Variants in POLR3H observed in about 807,000 individuals in gnomAD.
POLR3H encodes the protein DNA-directed RNA polymerase III subunit RPC8.
In POLR3H, 17 loss-of-function variants were observed where a neutral mutation model predicts 25.5. The observed-to-expected ratio is 0.67, with a 90% CI of 0.46 to 1.00. POLR3H has a LOEUF of 1.00. POLR3H is among the 50% of genes least tolerant of loss of function. POLR3H has a pLI of 0.00. For synonymous variants in POLR3H, 129 were observed against 103.0 expected, an observed-to-expected ratio of 1.25 and a Z score of -1.53; for missense variants, 274 against 265.0, an observed-to-expected ratio of 1.03 and a Z score of -0.24.
At position 41,528,731 on chromosome 22, in the gene POLR3H, C is replaced by T; in HGVS notation, c.*552G>A. The T allele has an allele frequency of 2.1e-6, 3 of 1,402,174 alleles. No homozygotes were observed. Among genetic ancestry groups the T allele is most frequent in the Non-Finnish European group, 2.9e-6 (3 of 1,050,786 alleles). 86.9% of individuals were successfully genotyped at this position (1,402,174 alleles called of 1,614,324 possible). A position where few individuals can be genotyped will look rare whatever the true frequency, so the allele number is the denominator to read the frequency against. ...CAAGATGGTGTGACCAGACATGCTT[C>T]CTGCTCCCCGCTTAGCCCACGGAGT... On this transcript the variant is annotated 3_prime_UTR_variant, in exon 6 of 6. Transcript: ENST00000355209.
chr22:41,534,082 C>T (rs752022061), intron 2 of POLR3H, among the ~76,000 whole-genome samples: 14 of 151,794 alleles, frequency 9.2e-5, no homozygotes, highest in Non-Finnish European at 1.9e-4. Flanking sequence ...GGTTGCAGTA[C>T]GCCAAGATCA....
chr22:41,531,179 C>A (rs965579981), intron 4 of POLR3H, among the ~76,000 whole-genome samples: 2 of 152,186 alleles, frequency 1.3e-5, no homozygotes, highest in Non-Finnish European at 2.9e-5. Context: ...AGACAGGGTC[C>A]GAGTCCCACC....
intron 5 of POLR3H, 60 bp from the exon 6 acceptor site, chr22:41,529,396 A>T: frequency 6.7e-7 from 1 of 1,494,468 alleles, no homozygotes. Flanking sequence ...CAACCTGGAC[A>T]GGAGGTGAAG....
chr22:41,527,256 G>C lies in POLR3H; in HGVS notation c.*2027C>G, dbSNP rs78241684. 2.5e-3 allele frequency: 4,016 copies of C among 1,613,900 alleles called. 88 individuals carry two copies. In the African/African-American group the frequency reaches 0.048, roughly 19 times the overall value. ...ACAGGTGAGGACGGTGCCCTCCTCT[G>C]CCTTATAACCTTACCCCCGCTTGCC... is the stretch of plus-strand genomic sequence containing the variant. On this transcript the variant is annotated 3_prime_UTR_variant, in exon 6 of 6. Coordinates refer to ENST00000355209, the MANE Select transcript of POLR3H (RefSeq NM_001018050.4).
Position 41,528,412 on chromosome 22 carries a change from A to AC in POLR3H, c.*870dup, listed in dbSNP as rs1569027015. On this transcript the variant is annotated 3_prime_UTR_variant, in exon 6 of 6. Transcript: ENST00000355209. Reference sequence around the variant, plus strand: ...CCCCAGGCAGTGCCCTGTCTCCCTGACCCCCCTGCGGGGCCAAGGGCACAC... The same window carrying AC: ...CCCCAGGCAGTGCCCTGTCTCCCTGACCCCCCCTGCGGGGCCAAGGGCACAC... The AC allele has an allele frequency of 3.2e-5, 50 of 1,575,970 alleles. No individual in the cohort carries two copies. Among genetic ancestry groups the AC allele is most frequent in the Non-Finnish European group, 4.0e-5 (46 of 1,162,312 alleles).
intron 5 of POLR3H, 100 bp from the exon 6 acceptor site, chr22:41,529,436 A>C: frequency 9.4e-7 from 1 of 1,059,622 alleles, no homozygotes; most frequent in South Asian, 1.3e-5. Flanking sequence ...ACAGGCAAAG[A>C]AGAGGCGGGG....
At chr22:41,543,947 G>T in intron 1 of POLR3H, 44 bp downstream of exon 1, 1 of 1,443,708 alleles carries the variant, frequency 6.9e-7, no homozygotes, top group Non-Finnish European at 9.7e-7. Flanking sequence ...GGCGGCGCTC[G>T]CTCTCCCACG....
rs2066601129 is a variant in POLR3H at position 41,526,560 on chromosome 22, C to T, written c.*2723G>A. The T allele has an allele frequency of 7.6e-7, 1 of 1,314,968 alleles. No individual in the cohort carries two copies. Among genetic ancestry groups the T allele is most frequent in the Non-Finnish European group, 1.0e-6 (1 of 966,678 alleles). The allele number at this position is 1,314,968 out of a possible 1,614,324, so 81.5% of individuals were successfully genotyped here. On this transcript the variant is annotated 3_prime_UTR_variant, in exon 6 of 6. Transcript: ENST00000355209. Reference sequence around the variant, plus strand: ...AGTGGAAACTGGGAAGGAGGCCGACCAAGCCCAAAGGGGACTGCTGTGGAA... The same window carrying T: ...AGTGGAAACTGGGAAGGAGGCCGACTAAGCCCAAAGGGGACTGCTGTGGAA...
chr22:41,543,842 A>G (rs780528383), intron 1 of POLR3H, 149 bp downstream of exon 1: 3 of 715,910 alleles, frequency 4.2e-6, no homozygotes, highest in East Asian at 5.4e-5. Flanking sequence ...ATCCCCTTCA[A>G]TATCTCCTTT....
At chr22:41,533,707 A>G in intron 2 of POLR3H, 1 of 1,304,138 alleles carries the variant, frequency 7.7e-7, no homozygotes, top group South Asian at 1.2e-5. Context: ...CACAAACGTG[A>G]GCCATCACAG....
chr22:41,543,913 C>CCGA (rs1569039494), intron 1 of POLR3H, 78 bp downstream of exon 1: 1 of 1,028,366 alleles, frequency 9.7e-7, no homozygotes, highest in Admixed American at 1.9e-5. Context: ...CTTGGCATGA[C>CCGA]CGAGGCCGGG....
Position 41,526,474 on chromosome 22 carries a change from G to T in POLR3H, c.*2809C>A, listed in dbSNP as rs770448518. On this transcript the variant is annotated 3_prime_UTR_variant, in exon 6 of 6. Coordinates refer to ENST00000355209, the MANE Select transcript of POLR3H (RefSeq NM_001018050.4). ...ACAAGGTGGGTCAGAGTTGATAGGG[G>T]CAATGCCAGTGGTCACTCCTGAAGG... is the stretch of plus-strand genomic sequence containing the variant. 7 of 1,602,278 alleles carry T rather than the reference G, an allele frequency of 4.4e-6. No individual in the cohort carries two copies. Among genetic ancestry groups the T allele is most frequent in the Admixed American group, 3.4e-5 (2 of 59,640 alleles).
chr22:41,542,389 T>G (rs1027129865), intron 1 of POLR3H, among the ~76,000 whole-genome samples: 2 of 152,056 alleles, frequency 1.3e-5, no homozygotes, highest in Non-Finnish European at 2.9e-5. Context: ...CGGCCTGTAT[T>G]CCTTCTTCAC....
rs1468608257 is a variant in POLR3H, at chr22:41,544,454, C to CA, written c.-354_-353insT. On this transcript the variant is annotated 5_prime_UTR_variant, in exon 1 of 6. In the 5' UTR this introduces an upstream ATG that the reference lacks. Coordinates refer to ENST00000355209, the MANE Select transcript of POLR3H (RefSeq NM_001018050.4). Reference sequence around the variant, plus strand: ...ACGCACCACGCACCGCGCACAGCCGCTCGCGCTTGCGCGACTGCGGGCGAG... The same window carrying CA: ...ACGCACCACGCACCGCGCACAGCCGCATCGCGCTTGCGCGACTGCGGGCGAG... The CA allele has an allele frequency of 4.9e-5, 3 of 61,374 alleles. No individual in the cohort carries two copies. The Admixed American group carries it at 6.9e-4, about 14-fold the overall frequency. 3.8% of individuals were successfully genotyped at this position (61,374 alleles called of 1,614,324 possible).
rs1601973698 is a variant in POLR3H at position 41,544,312 on chromosome 22, C to T, written c.-211G>A. The T allele has an allele frequency of 6.3e-6, 3 of 478,310 alleles. No individual in the cohort carries two copies. Among genetic ancestry groups the T allele is most frequent in the Admixed American group, 7.9e-5 (2 of 25,378 alleles). The allele number at this position is 478,310 out of a possible 1,614,324, so 29.6% of individuals were successfully genotyped here. A position where few individuals can be genotyped will look rare whatever the true frequency, so the allele number is the denominator to read the frequency against. ...ACTGAGGCCAGAGGGAGGCACTCTCCGTCCACAGCTCCGGGTGCGCGCCCG... is the reference window on the plus strand; with the variant it reads ...ACTGAGGCCAGAGGGAGGCACTCTCTGTCCACAGCTCCGGGTGCGCGCCCG... On this transcript the variant is annotated 5_prime_UTR_variant, in exon 1 of 6. Transcript: ENST00000355209.
rs1244581666 is a variant in POLR3H at position 41,527,781 on chromosome 22, C to T, written c.*1502G>A. The stretch of plus-strand genomic sequence containing the variant: ...GCAGACCAGGGCCCCATAGTCACTG[C>T]CCGGGCATTGTCCCAGGCAGCAGGA... On this transcript the variant is annotated 3_prime_UTR_variant, in exon 6 of 6. Coordinates refer to ENST00000355209, the MANE Select transcript of POLR3H (RefSeq NM_001018050.4). 15 of 1,523,790 alleles carry T rather than the reference C, an allele frequency of 9.8e-6. No homozygotes were observed. The Admixed American group carries it at 2.6e-4, about 26-fold the overall frequency. The allele number at this position is 1,523,790 out of a possible 1,614,324, so 94.4% of individuals were successfully genotyped here.
At chr22:41,530,002 A>G (rs532540519) in intron 5 of POLR3H, among the ~76,000 whole-genome samples, 214 of 151,998 alleles carry the variant, frequency 1.4e-3, no homozygotes, top group African/African-American at 4.1e-3. Flanking sequence ...TGATCCGCCC[A>G]CCTTGGCCTC....
Position 41,540,810 on chromosome 22 carries a change from A to G in POLR3H, c.112-15T>C. On this transcript the variant is annotated splice_polypyrimidine_tract_variant and intron_variant, in intron 1 of 5. Transcript: ENST00000355209. Reference sequence around the variant, plus strand: ...TTGTACACGACCTGCATGCATACAAACACAGACACACAAGTACACATGGAT... The same window carrying G: ...TTGTACACGACCTGCATGCATACAAGCACAGACACACAAGTACACATGGAT... 1 of 1,595,204 alleles carries G rather than the reference A, an allele frequency of 6.3e-7. No homozygotes were observed. The highest frequency in any genetic ancestry group is 1.1e-5 in the South Asian group (1 of 90,728).
Position 41,528,092 on chromosome 22 carries a change from C to T in POLR3H, c.*1191G>A. 3.1e-6 allele frequency: 5 copies of T among 1,599,026 alleles called. No individual in the cohort carries two copies. Among genetic ancestry groups the T allele is most frequent in the Non-Finnish European group, 4.3e-6 (5 of 1,171,900 alleles). ...CACCTTGTTTCCCCTCCTGCACTGG[C>T]CCCAGGGTAGCTTCTCCCAGGAGGC... On this transcript the variant is annotated 3_prime_UTR_variant, in exon 6 of 6. Coordinates refer to ENST00000355209, the MANE Select transcript of POLR3H (RefSeq NM_001018050.4).
Sources: allele counts gnomAD v4.1 joint callset (sites outside exome capture counted in the v4.1 genomes callset), GRCh38; gene constraint gnomAD v4.1.1; transcripts MANE v1.5; gene names NCBI Gene and HGNC (gene_info 2026-07-23, HGNC 2026-07-21).